The following MEMO1 variants were observed in gnomAD, a reference collection of about 807,000 sequenced individuals.
MEMO1 encodes protein MEMO1.
In MEMO1, 6 loss-of-function variants were observed where a neutral mutation model predicts 45.2. The observed-to-expected ratio is 0.13, with a 90% CI of 0.07 to 0.26. The LOEUF is 0.26. MEMO1 is among the 10% of genes least tolerant of loss of function. MEMO1 has a pLI of 1.00. For missense variants in MEMO1, 184 were observed against 370.5 expected, an observed-to-expected ratio of 0.50 and a Z score of 4.13; for synonymous variants, 78 against 124.3, an observed-to-expected ratio of 0.63 and a Z score of 2.48.
intron 2 of MEMO1, among the ~76,000 whole-genome samples, chr2:31,965,185 C>A (rs1171610708): frequency 1.3e-5 from 2 of 150,800 alleles, no homozygotes; most frequent in Admixed American, 6.6e-5. Context: ...TGCACTCCAG[C>A]CTGGGCAACA....
chr2:31,963,114 TA>T, intron 2 of MEMO1: 2 of 1,468,004 alleles, frequency 1.4e-6, no homozygotes, highest in African/African-American at 1.4e-5. Flanking sequence ...CCTCAGTCTC[TA>T]ACTACACCAT....
chr2:32,010,979 A>G lies in MEMO1; in HGVS notation c.-55T>C, dbSNP rs929736924. On this transcript the variant is annotated 5_prime_UTR_variant, in exon 1 of 10. Coordinates refer to ENST00000404530, the MANE Select transcript of MEMO1 (RefSeq NM_001301833.4). ...CGGGTCCTGCCCACTGAGCATGCCC[A>G]GCACCGCTGCCTACCCGCCGAGGAA... The G allele has an allele frequency of 2.0e-5, 3 of 152,312 alleles. No homozygotes were observed. The highest frequency in any genetic ancestry group is 4.8e-5 in the African/African-American group (2 of 41,468). 9.4% of individuals were successfully genotyped at this position (152,312 alleles called of 1,614,324 possible). A position where few individuals can be genotyped will look rare whatever the true frequency, so the allele number is the denominator to read the frequency against.
At chr2:31,967,243 C>T (rs1313135011) in intron 2 of MEMO1, among the ~76,000 whole-genome samples, 1 of 151,954 alleles carries the variant, frequency 6.6e-6, no homozygotes, top group Non-Finnish European at 1.5e-5. Flanking sequence ...CCTGCCTCAG[C>T]CTCCTGAGTA....
intron 3 of MEMO1, among the ~76,000 whole-genome samples, chr2:31,934,496 G>A (rs1664676747): frequency 6.6e-6 from 1 of 150,738 alleles, no homozygotes; most frequent in South Asian, 2.1e-4. Context: ...AGAAAAGAAA[G>A]AATCATTGGA....
chr2:31,983,425 C>T (rs1278331639), intron 2 of MEMO1, among the ~76,000 whole-genome samples: 3 of 152,010 alleles, frequency 2.0e-5, no homozygotes, highest in Admixed American at 2.0e-4. Context: ...ATGCCCAAAT[C>T]TTAGTTTTTT....
chr2:32,005,677 C>T (rs1673977433), intron 2 of MEMO1, among the ~76,000 whole-genome samples: 1 of 152,236 alleles, frequency 6.6e-6, no homozygotes, highest in Middle Eastern at 3.4e-3. Context: ...CCCCACCGCT[C>T]TTCAGAATGT....
At position 31,920,863 on chromosome 2, in the gene MEMO1, C is replaced by T. The variant is rs1057027185; in HGVS notation, c.260G>A (p.Arg87Gln). 1.2e-6 allele frequency: 2 copies of T among 1,612,190 alleles called. No homozygotes were observed. The highest frequency in any genetic ancestry group is 1.7e-5 in the Admixed American group (1 of 59,900). ...TATATCCACACTGGAAAGTGCACATCGAGAGAGGGGCACATGATGAGAAGG... is the reference window on the plus strand; with the variant it reads ...TATATCCACACTGGAAAGTGCACATTGAGAGAGGGGCACATGATGAGAAGG... ...LGPSHHVPLS[R>Q]CALSSVDIYR... Residue 87 changes from arginine (R) to glutamine (Q), a missense_variant, in exon 5 of 10, where the codon CGA becomes CAA. This residue lies in a region of MEMO1 where 60 missense variants were observed against 79.2 expected (regional missense o/e 0.76). Transcript: ENST00000404530.
At chr2:32,008,719 A>T (rs1674414127) in intron 2 of MEMO1, among the ~76,000 whole-genome samples, 1 of 152,194 alleles carries the variant, frequency 6.6e-6, no homozygotes. Context: ...AGCCACTTTA[A>T]CCATAAAATG....
At chr2:31,874,869 TAATC>T (rs1674333834) in intron 8 of MEMO1, among the ~76,000 whole-genome samples, 1 of 151,876 alleles carries the variant, frequency 6.6e-6, no homozygotes, top group Non-Finnish European at 1.5e-5. Context: ...ACCATCTGAT[TAATC>T]AATTAAGACA....
intron 8 of MEMO1, among the ~76,000 whole-genome samples, chr2:31,872,225 A>C (rs1673890504): frequency 6.6e-6 from 1 of 152,112 alleles, no homozygotes; most frequent in Admixed American, 6.5e-5. Context: ...AACAGGCAAA[A>C]GTCCTGATTC....
intron 8 of MEMO1, among the ~76,000 whole-genome samples, chr2:31,879,926 A>G (rs1675107465): frequency 6.6e-6 from 1 of 152,102 alleles, no homozygotes; most frequent in African/African-American, 2.4e-5. Context: ...GAGTATCAGC[A>G]TCTATGTACA....
At chr2:31,871,199 A>C (rs527768714) in intron 8 of MEMO1, among the ~76,000 whole-genome samples, 1 of 152,360 alleles carries the variant, frequency 6.6e-6, no homozygotes, top group African/African-American at 2.4e-5. Flanking sequence ...CTTTATATTA[A>C]ATAAACTGGA....
chr2:31,919,552 C>T (rs1681958720), intron 5 of MEMO1, among the ~76,000 whole-genome samples: 1 of 152,072 alleles, frequency 6.6e-6, no homozygotes, highest in Non-Finnish European at 1.5e-5. Context: ...GGTACAGTGG[C>T]TCACACTGAT....
At chr2:31,891,876 A>G in intron 7 of MEMO1, 116 bp downstream of exon 7, 1 of 1,073,270 alleles carries the variant, frequency 9.3e-7, no homozygotes, top group South Asian at 1.6e-5. Flanking sequence ...TGCTGCCAGA[A>G]GTAAAACTTT....
intron 2 of MEMO1, among the ~76,000 whole-genome samples, chr2:31,995,214 G>A (rs1347713429): frequency 6.6e-6 from 1 of 152,150 alleles, no homozygotes; most frequent in Non-Finnish European, 1.5e-5. Context: ...CACTTTGGGA[G>A]GCCGAGGCGG....
Position 32,007,204 on chromosome 2 carries a change from T to A in MEMO1, c.61+2983A>T, listed in dbSNP as rs372097160. ...TGTGTACCTTCCATTCTTATTAAAT[T>A]GAACTATTTACATTTACCTGCCTCT... On this transcript the variant is annotated intron_variant, in intron 2 of 9. Transcript: ENST00000404530. Among the ~76,000 whole-genome samples, 25 of 152,252 alleles carry A rather than the reference T, an allele frequency of 1.6e-4. No homozygotes were observed. The South Asian group carries it at 4.6e-3, about 28-fold the overall frequency.
chr2:31,987,879 A>G (rs986166533), intron 2 of MEMO1, among the ~76,000 whole-genome samples: 2 of 152,188 alleles, frequency 1.3e-5, no homozygotes, highest in African/African-American at 4.8e-5. Context: ...GTTTCCAATC[A>G]TCCTTCACCA....
chr2:31,895,847 T>A (rs1677700704), intron 6 of MEMO1, among the ~76,000 whole-genome samples: 1 of 139,112 alleles, frequency 7.2e-6, no homozygotes, highest in Non-Finnish European at 1.6e-5. Flanking sequence ...CTTTTTTTTT[T>A]TTTTTTTTTT....
rs189419892 is a variant in MEMO1 at position 31,887,977 on chromosome 2, A to T, written c.580+4015T>A. ...GGGAATGCCACTTTTAATAAGTGGT[A>T]TGTATTTATAAAAAGGTAGTTATGT... On this transcript the variant is annotated intron_variant, in intron 7 of 9. Coordinates refer to ENST00000404530, the MANE Select transcript of MEMO1 (RefSeq NM_001301833.4). Among the ~76,000 whole-genome samples the T allele has an allele frequency of 2.6e-5, 4 of 152,274 alleles. No homozygotes were observed. The East Asian group carries it at 7.7e-4, about 29-fold the overall frequency.
Sources: allele counts gnomAD v4.1 joint callset (sites outside exome capture counted in the v4.1 genomes callset), GRCh38; gene constraint gnomAD v4.1.1; regional missense constraint gnomAD v4.1.1; transcripts MANE v1.5; gene names NCBI Gene and HGNC (gene_info 2026-07-23, HGNC 2026-07-21).